SYCP2: variants seen among roughly 807,000 people sequenced by gnomAD.
SYCP2 encodes the protein synaptonemal complex lateral element protein.
In SYCP2, 55 loss-of-function variants were observed where a neutral mutation model predicts 211.3. The ratio of observed to expected loss-of-function variants is 0.26; its 90% CI spans 0.21 to 0.33. The LOEUF (loss-of-function observed/expected upper bound fraction) is 0.33, where lower values mean the gene tolerates loss of function less well. Ranked by LOEUF, SYCP2 falls within the 10% of genes least tolerant of loss-of-function variation. The probability of loss-of-function intolerance (pLI) is 1.00; values close to 1 mark genes in which losing one functional copy is unlikely to be tolerated. For missense variants in SYCP2, 1,731 were observed against 1,752.0 expected (o/e 0.99, Z 0.21); for synonymous variants, 570 against 555.2 (o/e 1.03, Z -0.37).
chr20:59,893,996 C>T (rs961650478), intron 20 of SYCP2, among the ~76,000 whole-genome samples: 1 of 152,008 alleles, frequency 6.6e-6, no homozygotes, highest in Non-Finnish European at 1.5e-5. Flanking sequence ...TCAGAATTAT[C>T]ATCAGATATC....
intron 33 of SYCP2, among the ~76,000 whole-genome samples, chr20:59,875,687 T>TA (rs1234975703): frequency 6.6e-6 from 1 of 152,100 alleles, no homozygotes; most frequent in African/African-American, 2.4e-5. Flanking sequence ...ATAAATATCT[T>TA]AAGAGATACA....
chr20:59,882,087 A>G lies in SYCP2; in HGVS notation c.2600+8T>C, dbSNP rs1555875151. ...AAGAAAATGAAAAATATTACAAAAA[A>G]TACTTACACTGGGCATTCAGAAGTA... is the stretch of plus-strand genomic sequence containing the variant. On this transcript the variant is annotated splice_region_variant and intron_variant, in intron 27 of 44. Coordinates refer to ENST00000357552, the MANE Select transcript of SYCP2 (RefSeq NM_014258.4). 2.3e-5 allele frequency: 37 copies of G among 1,611,808 alleles called. 1 individual carries two copies. The South Asian group carries it at 3.9e-4, about 17-fold the overall frequency.
Position 59,869,964 on chromosome 20 carries a change from T to C in SYCP2, c.3575A>G (p.Lys1192Arg). Reference protein sequence around the residue: ...PLFLPRHTPTKSNTIVNRKKI... With the variant: ...PLFLPRHTPTRSNTIVNRKKI... Reference sequence around the variant, plus strand: ...TTTTCTATTTACAATAGTATTACTCTTAGTTGGAGTATGTCTGGGCTATGA... The same window carrying C: ...TTTTCTATTTACAATAGTATTACTCCTAGTTGGAGTATGTCTGGGCTATGA... The change falls in exon 36 of 45, where the codon AAG (lysine) becomes AGG (arginine). Residue 1192 changes from lysine to arginine, a missense_variant. Around this residue, in one of 3 missense-constraint regions of SYCP2, gnomAD observed 1,387 missense variants for 1,351.3 expected, o/e 1.03. Coordinates refer to ENST00000357552, the MANE Select transcript of SYCP2 (RefSeq NM_014258.4). 1 of 1,596,858 alleles carries C rather than the reference T, an allele frequency of 6.3e-7. No individual in the cohort carries two copies.
chr20:59,912,245 C>A (rs1416972342), intron 13 of SYCP2, 128 bp downstream of exon 13: 1 of 525,772 alleles, frequency 1.9e-6, no homozygotes, highest in Non-Finnish European at 3.4e-6. Context: ...ATACAGAATA[C>A]TAGACCAGCT....
rs752408757 is a variant in SYCP2 at position 59,920,316 on chromosome 20, T to C, written c.297+43A>G. ...TTCTTACTAGAAAGCATATCTTTTATAATATTTCATTCACATGAATATGTT... is the reference window on the plus strand; with the variant it reads ...TTCTTACTAGAAAGCATATCTTTTACAATATTTCATTCACATGAATATGTT... On this transcript the variant is annotated intron_variant, in intron 5 of 44. Coordinates refer to ENST00000357552, the MANE Select transcript of SYCP2 (RefSeq NM_014258.4). The C allele has an allele frequency of 3.4e-5, 50 of 1,458,644 alleles. 1 individual carries two copies. The South Asian group carries it at 5.4e-4, about 16-fold the overall frequency. The allele number at this position is 1,458,644 out of a possible 1,614,324, so 90.4% of individuals were successfully genotyped here.
At chr20:59,915,580 C>T in intron 8 of SYCP2, 30 bp from the exon 9 acceptor site, 4 of 1,317,292 alleles carry the variant, frequency 3.0e-6, no homozygotes, top group Admixed American at 1.7e-5. Flanking sequence ...AATGCATTAA[C>T]TTTACATTCA....
intron 4 of SYCP2, 33 bp from the exon 5 acceptor site, chr20:59,920,520 A>G: frequency 2.0e-6 from 3 of 1,494,216 alleles, no homozygotes; most frequent in Non-Finnish European, 2.8e-6. Flanking sequence ...AAATTTCTGT[A>G]AACACAAAAC....
At position 59,868,884 on chromosome 20, in the gene SYCP2, T is replaced by G. The variant is rs143459402; in HGVS notation, c.3783A>C (p.Gly1261=). 1 of 1,610,060 alleles carries G rather than the reference T, an allele frequency of 6.2e-7. No individual in the cohort carries two copies. Among genetic ancestry groups the G allele is most frequent in the African/African-American group, 1.3e-5 (1 of 74,616 alleles). ...GCATGTCAAACCACGTTTTCTCTCTTCCTTCACTAGACTTGGATAATGAAG... is the reference window on the plus strand; with the variant it reads ...GCATGTCAAACCACGTTTTCTCTCTGCCTTCACTAGACTTGGATAATGAAG... The part of the protein sequence containing the change: ...LASSLSKSSE[G]REKTWFDMPC... Residue 1261 remains glycine (G), a synonymous_variant, in exon 37 of 45, where the codon GGA becomes GGC. Transcript: ENST00000357552.
At position 59,865,607 on chromosome 20, in the gene SYCP2, T is replaced by C; in HGVS notation, c.4424A>G (p.Asn1475Ser). Residue 1475 changes from asparagine to serine, a missense_variant, in exon 43 of 45, where the codon AAT (asparagine) becomes AGT (serine). Transcript: ENST00000357552. ...AAAAACAGTTTCTTCACTATCAGTA[T>C]TACAGAAGACACTTTTAGCCAATGA... ...KTSLAKSVFC[N>S]TDSEETVFTS... The C allele has an allele frequency of 6.2e-7, 1 of 1,604,962 alleles. No homozygotes were observed. Among genetic ancestry groups the C allele is most frequent in the Non-Finnish European group, 8.5e-7 (1 of 1,176,512 alleles).
chr20:59,913,995 G>A lies in SYCP2; in HGVS notation c.810C>T (p.Gly270=), dbSNP rs759851957. 6.3e-7 allele frequency: 1 copy of A among 1,599,380 alleles called. No homozygotes were observed. Among genetic ancestry groups the A allele is most frequent in the Non-Finnish European group, 8.5e-7 (1 of 1,173,780 alleles). The change falls in exon 12 of 45, where the codon GGC becomes GGT. Residue 270 remains glycine, a synonymous_variant. Transcript: ENST00000357552. ...TTTACCTTCTTTTGTCTCCAAGCAT[G>A]CCATTTACAAGGTTGAGAAATATCC... The part of the protein sequence containing the change: ...DCRIFLNLVN[G]MLGDKRRVFT...
At chr20:59,900,713 G>A in intron 17 of SYCP2, 31 bp downstream of exon 17, 1 of 1,572,074 alleles carries the variant, frequency 6.4e-7, no homozygotes, top group Non-Finnish European at 8.7e-7. Flanking sequence ...ACTTAGCCCA[G>A]TGATAAAAAT....
intron 26 of SYCP2, among the ~76,000 whole-genome samples, chr20:59,882,551 A>G (rs559042011): frequency 6.6e-6 from 1 of 152,330 alleles, no homozygotes; most frequent in South Asian, 2.1e-4. Context: ...GGATAAATGC[A>G]TAAAGAAAAT....
At position 59,868,940 on chromosome 20, in the gene SYCP2, A is replaced by T; in HGVS notation, c.3742-15T>A. 6.4e-7 allele frequency: 1 copy of T among 1,566,460 alleles called. No homozygotes were observed. Among genetic ancestry groups the T allele is most frequent in the Non-Finnish European group, 8.7e-7 (1 of 1,150,942 alleles). On this transcript the variant is annotated splice_polypyrimidine_tract_variant and intron_variant, in intron 36 of 44. Coordinates refer to ENST00000357552, the MANE Select transcript of SYCP2 (RefSeq NM_014258.4). ...AAATGACTTTCCTAAAATACGTATT[A>T]GAAATTAGAAAAAAATTCCGTAAAT...
Position 59,880,410 on chromosome 20 carries a change from T to C in SYCP2, c.2834A>G (p.Asp945Gly). The change falls in exon 31 of 45, where the codon GAT becomes GGT. Residue 945 changes from aspartate (D) to glycine (G), a missense_variant. Coordinates refer to ENST00000357552, the MANE Select transcript of SYCP2 (RefSeq NM_014258.4). Reference sequence around the variant, plus strand: ...CCAGCTAATATCAGTCTTGCTGTCATCACATCTGTACTCTGTTTCAGTATC... The same window carrying C: ...CCAGCTAATATCAGTCTTGCTGTCACCACATCTGTACTCTGTTTCAGTATC... ...FSDTETEYRC[D>G]DSKTDISWLR... 1 of 1,601,720 alleles carries C rather than the reference T, an allele frequency of 6.2e-7. No homozygotes were observed. Among genetic ancestry groups the C allele is most frequent in the Non-Finnish European group, 8.5e-7 (1 of 1,171,602 alleles).
At chr20:59,873,772 G>C in intron 35 of SYCP2, 84 bp downstream of exon 35, 1 of 1,188,072 alleles carries the variant, frequency 8.4e-7, no homozygotes, top group Non-Finnish European at 1.2e-6. Context: ...GACAAGCAAT[G>C]TGTATCTGAT....
At chr20:59,917,324 T>C (rs2060462057) in intron 7 of SYCP2, among the ~76,000 whole-genome samples, 1 of 152,172 alleles carries the variant, frequency 6.6e-6, no homozygotes, top group Admixed American at 6.5e-5. Context: ...TTTTGAAAGA[T>C]GAGGCTTTAT....
rs755611484 is a variant in SYCP2, at chr20:59,873,873, G to A, written c.3538C>T (p.Pro1180Ser). 31 of 1,610,716 alleles carry A rather than the reference G, an allele frequency of 1.9e-5. 1 individual carries two copies. The South Asian group carries it at 3.2e-4, about 17-fold the overall frequency. ...LCASESCSPIPRPLFLPRHTP... is the reference protein window; with the variant it reads ...LCASESCSPISRPLFLPRHTP... ...ATTCTCACCAAAAACAGTGGTCGTG[G>A]AATTGGTGAACAACTTTCACTTGCA... The change falls in exon 35 of 45, where the codon CCA becomes TCA. Residue 1180 changes from proline to serine, a missense_variant. Physicochemically the swap from Pro to Ser is moderately conservative, Grantham distance 74. Around this residue, in one of 3 missense-constraint regions of SYCP2, gnomAD observed 1,387 missense variants for 1,351.3 expected, o/e 1.03. Coordinates refer to ENST00000357552, the MANE Select transcript of SYCP2 (RefSeq NM_014258.4).
chr20:59,916,622 A>T (rs781399461), intron 7 of SYCP2, 51 bp from the exon 8 acceptor site: 6 of 1,218,664 alleles, frequency 4.9e-6, no homozygotes, highest in Non-Finnish European at 7.3e-6. Flanking sequence ...AATCCTCTTA[A>T]CTGTCAGTCT....
intron 24 of SYCP2, among the ~76,000 whole-genome samples, chr20:59,887,198 G>A (rs2059807886): frequency 6.6e-6 from 1 of 150,640 alleles, no homozygotes; most frequent in Non-Finnish European, 1.5e-5. Context: ...TCCCCTTCCT[G>A]TGTCCAAGTG....
Sources: allele counts gnomAD v4.1 joint callset (sites outside exome capture counted in the v4.1 genomes callset), GRCh38; gene constraint gnomAD v4.1.1; regional missense constraint gnomAD v4.1.1; transcripts MANE v1.5; gene names NCBI Gene and HGNC (gene_info 2026-07-23, HGNC 2026-07-21).